Variants in KDM4C observed in about 807,000 individuals in gnomAD.
KDM4C encodes the protein lysine demethylase 4C, also known as lysine-specific demethylase 4C.
Under a neutral mutation model 129.3 loss-of-function variants are expected in KDM4C, and 81 were observed. The ratio of observed to expected loss-of-function variants is 0.63; its 90% CI spans 0.52 to 0.75. The LOEUF is 0.75. Ranked by LOEUF, KDM4C falls within the 30% of genes least tolerant of loss-of-function variation. The probability of loss-of-function intolerance (pLI) is 0.00; values close to 1 mark genes in which losing one functional copy is unlikely to be tolerated. For missense variants in KDM4C, 1,457 were observed against 1,304.0 expected (o/e 1.12, Z -1.81); for synonymous variants, 573 against 456.1 (o/e 1.26, Z -3.26).
intron 4 of KDM4C, among the ~76,000 whole-genome samples, chr9:6,840,411 T>C (rs2129806458): frequency 6.6e-6 from 1 of 151,944 alleles, no homozygotes; most frequent in East Asian, 1.9e-4. Context: ...TTTGTCTTTT[T>C]TTTGAGACAG....
At chr9:7,163,816 C>G (rs1262973982) in intron 19 of KDM4C, among the ~76,000 whole-genome samples, 1 of 152,172 alleles carries the variant, frequency 6.6e-6, no homozygotes, top group Non-Finnish European at 1.5e-5. Context: ...CAAGGATAGA[C>G]TTACTTTCAT....
chr9:6,798,330 TGGAGGGAA>T (rs1564028710), intron 2 of KDM4C, among the ~76,000 whole-genome samples: 2 of 150,964 alleles, frequency 1.3e-5, no homozygotes, highest in African/African-American at 4.9e-5. Context: ...AGGACAATAG[TGGAGGGAA>T]GGAGGGAAGG....
chr9:6,827,228 G>T (rs894706343), intron 4 of KDM4C, among the ~76,000 whole-genome samples: 2 of 152,234 alleles, frequency 1.3e-5, no homozygotes, highest in Non-Finnish European at 2.9e-5. Context: ...GGAAAGCTCT[G>T]TGTTTTTCTC....
At chr9:7,153,534 A>G (rs1033147657) in intron 19 of KDM4C, among the ~76,000 whole-genome samples, 4 of 152,180 alleles carry the variant, frequency 2.6e-5, no homozygotes, top group African/African-American at 9.7e-5. Context: ...GCTTCCATCA[A>G]TATGCTCCCT....
At chr9:6,757,128 T>C (rs1818352234), upstream of KDM4C, among the ~76,000 whole-genome samples, 1 of 152,230 alleles carries the variant, frequency 6.6e-6, no homozygotes, top group Admixed American at 6.5e-5. Flanking sequence ...GGTTGGTTCC[T>C]TCTGACACCT....
Position 6,993,504 on chromosome 9 carries a change from T to C in KDM4C, c.1786+2980T>C, listed in dbSNP as rs543490327. Among the ~76,000 whole-genome samples the C allele has an allele frequency of 2.6e-5, 4 of 152,310 alleles. No homozygotes were observed. In the South Asian group the frequency reaches 8.3e-4, roughly 32 times the overall value. On this transcript the variant is annotated intron_variant, in intron 12 of 21. Coordinates refer to ENST00000381309, the MANE Select transcript of KDM4C (RefSeq NM_015061.6). ...GATAAGCAAAGCTGTTTGGATTGTT[T>C]TATTCTCGAAGCATCCAGGATATGT...
chr9:6,861,993 A>C (rs1227562644), intron 5 of KDM4C, among the ~76,000 whole-genome samples: 1 of 151,994 alleles, frequency 6.6e-6, no homozygotes, highest in Non-Finnish European at 1.5e-5. Flanking sequence ...GCTGGTCTTG[A>C]ACTCCTGACC....
chr9:7,156,690 G>A (rs1046794435), intron 19 of KDM4C, among the ~76,000 whole-genome samples: 1 of 152,092 alleles, frequency 6.6e-6, no homozygotes, highest in Non-Finnish European at 1.5e-5. Flanking sequence ...TCTGAGGCCT[G>A]TGTTCTGTTC....
At chr9:7,085,125 G>C (rs140528085) in intron 17 of KDM4C, among the ~76,000 whole-genome samples, 2 of 152,336 alleles carry the variant, frequency 1.3e-5, no homozygotes, top group African/African-American at 4.8e-5. Flanking sequence ...CAGCACAGCA[G>C]AGTACTGAGA....
At chr9:7,054,458 G>A (rs1054512075) in intron 17 of KDM4C, among the ~76,000 whole-genome samples, 3 of 152,132 alleles carry the variant, frequency 2.0e-5, no homozygotes, top group African/African-American at 7.2e-5. Flanking sequence ...AGACAGAATG[G>A]CCTATTTTGT....
At chr9:6,892,996 CTT>C in intron 7 of KDM4C, 97 bp from the exon 8 acceptor site, 2 of 978,416 alleles carry the variant, frequency 2.0e-6, no homozygotes, top group Non-Finnish European at 2.8e-6. Flanking sequence ...GATATCAAGA[CTT>C]TTTTTCTTTG....
chr9:7,107,762 A>T (rs547517676), intron 18 of KDM4C, among the ~76,000 whole-genome samples: 1 of 152,350 alleles, frequency 6.6e-6, no homozygotes, highest in East Asian at 1.9e-4. Context: ...ACTTTTATAG[A>T]GAAAACGCTG....
At chr9:6,851,473 T>G (rs1411570475) in intron 5 of KDM4C, among the ~76,000 whole-genome samples, 1 of 152,222 alleles carries the variant, frequency 6.6e-6, no homozygotes, top group Admixed American at 6.5e-5. Flanking sequence ...CTTTGTTATC[T>G]TGATGCTCTT....
chr9:6,757,665 G>A (rs1818455436), upstream of KDM4C: 3 of 985,432 alleles, frequency 3.0e-6, no homozygotes, highest in Admixed American at 6.1e-5. Flanking sequence ...TCGGCGCCCA[G>A]GAGGACGTGT....
intron 15 of KDM4C, among the ~76,000 whole-genome samples, chr9:7,026,829 C>T (rs1416477302): frequency 2.0e-5 from 3 of 151,814 alleles, no homozygotes; most frequent in Admixed American, 6.6e-5. Flanking sequence ...AACCTGTCTT[C>T]GAGTTCACTA....
rs1835610415 is a variant in KDM4C at position 6,834,987 on chromosome 9, T to C, written c.436-14520T>C. On this transcript the variant is annotated intron_variant, in intron 4 of 21. Transcript: ENST00000381309. ...GCCCTCCCCCACACCATCCTGCATC[T>C]GGACCTGGCTGGCCGGGACCTGACT... 11 of 972,000 alleles carry C rather than the reference T, an allele frequency of 1.1e-5. No individual in the cohort carries two copies. In the South Asian group the frequency reaches 1.4e-4, roughly 12 times the overall value. The allele number at this position is 972,000 out of a possible 1,614,324, so 60.2% of individuals were successfully genotyped here.
At chr9:6,745,614 A>C (rs1159145600) in intron 1 of KDM4C, among the ~76,000 whole-genome samples, 2 of 146,198 alleles carry the variant, frequency 1.4e-5, no homozygotes, top group African/African-American at 5.0e-5. Flanking sequence ...TACTATATTT[A>C]TTGTATTATG....
intron 1 of KDM4C, among the ~76,000 whole-genome samples, chr9:6,787,531 G>T (rs1048020947): frequency 1.3e-5 from 2 of 152,176 alleles, no homozygotes; most frequent in Admixed American, 6.5e-5. Context: ...CCACGCCCAG[G>T]CCCAGAGCCA....
intron 2 of KDM4C, among the ~76,000 whole-genome samples, chr9:6,800,578 C>T (rs904397369): frequency 6.6e-6 from 1 of 152,032 alleles, no homozygotes; most frequent in African/African-American, 2.4e-5. Flanking sequence ...ATTTCAGTAA[C>T]ATATACTATG....
Sources: gnomAD v4.1 joint callset for allele counts (sites outside exome capture counted in the v4.1 genomes callset) on GRCh38, gnomAD v4.1.1 for gene constraint, MANE v1.5 for transcripts, NCBI Gene and HGNC (gene_info 2026-07-23, HGNC 2026-07-21) for gene names.